MAST4: variants seen among roughly 807,000 people sequenced by gnomAD.
The protein encoded by MAST4 is microtubule associated serine/threonine kinase family member 4.
Under a neutral mutation model 162.7 loss-of-function variants are expected in MAST4, and 89 were observed. That is an observed-to-expected ratio of 0.55 (90% confidence interval 0.46 to 0.65). MAST4 has a LOEUF of 0.65. MAST4 is among the 30% of genes least tolerant of loss of function. The pLI is 0.00. For synonymous variants in MAST4, 1,479 were observed against 1,361.1 expected, an observed-to-expected ratio of 1.09 and a Z score of -1.91; for missense variants, 3,153 against 3,374.0, an observed-to-expected ratio of 0.93 and a Z score of 1.62.
At chr5:66,907,610 G>A (rs1016645250) in intron 4 of MAST4, among the ~76,000 whole-genome samples, 55 of 150,962 alleles carry the variant, frequency 3.6e-4, no homozygotes, top group Middle Eastern at 3.4e-3. Flanking sequence ...GTGTGTGTGT[G>A]TGTGTGTGTG....
intron 1 of MAST4, among the ~76,000 whole-genome samples, chr5:66,737,833 A>T (rs1029649549): frequency 2.0e-5 from 3 of 152,208 alleles, no homozygotes; most frequent in Non-Finnish European, 2.9e-5. Flanking sequence ...CTTGAGGCAG[A>T]TATGAAAAGA....
rs1773864348 is a variant in MAST4, at chr5:67,165,833, T to G, written c.6654T>G (p.Ser2218Arg). Reference sequence around the variant, plus strand: ...GGTCCCTCTCCTCTCAGAAACCAAGTGTCGGGGCCACAAAGGGCAAAGAGC... The same window carrying G: ...GGTCCCTCTCCTCTCAGAAACCAAGGGTCGGGGCCACAAAGGGCAAAGAGC... ...PDRSLSSQKP[S>R]VGATKGKEPA... The change falls in exon 29 of 29, where the codon AGT becomes AGG. Residue 2218 changes from serine to arginine, a missense_variant. Ser to Arg is a moderately radical substitution (Grantham distance 110). This residue lies in a region of MAST4 where 1,644 missense variants were observed against 1,495.0 expected (regional missense o/e 1.10). Transcript: ENST00000403625. 6.2e-7 allele frequency: 1 copy of G among 1,612,910 alleles called. No individual in the cohort carries two copies. Among genetic ancestry groups the G allele is most frequent in the Non-Finnish European group, 8.5e-7 (1 of 1,179,814 alleles).
At chr5:66,785,255 G>C (rs955168148) in intron 2 of MAST4, among the ~76,000 whole-genome samples, 1 of 152,000 alleles carries the variant, frequency 6.6e-6, no homozygotes, top group Non-Finnish European at 1.5e-5. Context: ...AACAAAAAAC[G>C]CTAGGTTGCA....
At chr5:67,012,194 T>A (rs1225497037) in intron 4 of MAST4, among the ~76,000 whole-genome samples, 1 of 152,196 alleles carries the variant, frequency 6.6e-6, no homozygotes, top group Non-Finnish European at 1.5e-5. Flanking sequence ...AGCTTCAAGA[T>A]AGAGACCATT....
chr5:67,042,701 TTTC>T (rs890820634), intron 4 of MAST4, among the ~76,000 whole-genome samples: 8 of 152,332 alleles, frequency 5.3e-5, no homozygotes, highest in African/African-American at 1.9e-4. Context: ...CAGGAAACAT[TTTC>T]TTCTACTTCT....
Position 66,596,664 on chromosome 5 carries a change from GA to G in MAST4, c.12del (p.Val5PhefsTer145). 6.8e-7 allele frequency: 1 copy of G among 1,463,720 alleles called. No homozygotes were observed. Among genetic ancestry groups the G allele is most frequent in the East Asian group, 2.7e-5 (1 of 36,520 alleles). 90.7% of individuals were successfully genotyped at this position (1,463,720 alleles called of 1,614,324 possible). On this transcript the variant is annotated frameshift_variant, in exon 1 of 29. Coordinates refer to ENST00000403625, the MANE Select transcript of MAST4 (RefSeq NM_001164664.2). LOFTEE classifies it high-confidence loss of function. MGE[K>X]VSEAPEPVPR... ...TTGGGCCAGACAGGGAAATGGGGGA[GA>G]AAGTTTCGGAGGCGCCAGAGCCGGT...
intron 4 of MAST4, among the ~76,000 whole-genome samples, chr5:66,937,258 T>G (rs1222533308): frequency 1.3e-5 from 2 of 152,174 alleles, no homozygotes; most frequent in African/African-American, 4.8e-5. Context: ...AAGTACTCAT[T>G]CAAATTAGGA....
At chr5:66,858,783 C>G (rs1227105962) in intron 3 of MAST4, among the ~76,000 whole-genome samples, 2 of 152,044 alleles carry the variant, frequency 1.3e-5, no homozygotes, top group Admixed American at 6.5e-5. Flanking sequence ...GCCTTTCCTT[C>G]TATGTATATG....
At chr5:66,930,409 C>T (rs973139737) in intron 4 of MAST4, among the ~76,000 whole-genome samples, 3 of 152,062 alleles carry the variant, frequency 2.0e-5, no homozygotes, top group Non-Finnish European at 4.4e-5. Flanking sequence ...AGTGTAGTTC[C>T]CACAAACTAA....
At chr5:66,677,491 A>G (rs1217884240) in intron 1 of MAST4, among the ~76,000 whole-genome samples, 6 of 152,184 alleles carry the variant, frequency 3.9e-5, no homozygotes, top group Non-Finnish European at 8.8e-5. Flanking sequence ...TTGTTCGTTT[A>G]TTCAAAATGT....
At chr5:67,089,896 A>G (rs114032964) in intron 5 of MAST4, among the ~76,000 whole-genome samples, 1 of 152,160 alleles carries the variant, frequency 6.6e-6, no homozygotes, top group African/African-American at 2.4e-5. Context: ...ATCTCCATGC[A>G]GGACTCCTGG....
intron 3 of MAST4, among the ~76,000 whole-genome samples, chr5:66,866,198 G>A (rs534994970): frequency 4.9e-5 from 5 of 103,048 alleles, no homozygotes; most frequent in South Asian, 3.1e-4. Context: ...AGCTGCCGTC[G>A]TAGGGTCTGC....
intron 3 of MAST4, among the ~76,000 whole-genome samples, chr5:66,791,369 C>T (rs537467250): frequency 5.3e-4 from 80 of 152,280 alleles, no homozygotes; most frequent in African/African-American, 1.8e-3. Flanking sequence ...AGTCACATAC[C>T]AAGAAACAGA....
chr5:67,045,213 T>C (rs1757218188), intron 4 of MAST4, among the ~76,000 whole-genome samples: 2 of 152,336 alleles, frequency 1.3e-5, no homozygotes, highest in South Asian at 4.1e-4. Context: ...CAGTGTTACA[T>C]AAAATATAAT....
intron 3 of MAST4, among the ~76,000 whole-genome samples, chr5:66,855,075 G>A (rs76031696): frequency 0.012 from 1,757 of 152,268 alleles, 17 homozygotes; most frequent in Middle Eastern, 0.031. Flanking sequence ...CTATGGTTTG[G>A]ATCTGTGGCC....
intron 4 of MAST4, among the ~76,000 whole-genome samples, chr5:66,940,748 A>G (rs78293154): frequency 0.043 from 6,473 of 152,144 alleles, 220 homozygotes; most frequent in Middle Eastern, 0.078. Context: ...TTAGGTTGCT[A>G]TTTTGACCTC....
chr5:66,978,686 G>A (rs1748428492), intron 4 of MAST4, among the ~76,000 whole-genome samples: 1 of 152,194 alleles, frequency 6.6e-6, no homozygotes, highest in South Asian at 2.1e-4. Context: ...TGAAAGGGAT[G>A]ATGTAGACAT....
chr5:66,822,354 A>G (rs982153637), intron 3 of MAST4, among the ~76,000 whole-genome samples: 1 of 152,254 alleles, frequency 6.6e-6, no homozygotes, highest in Non-Finnish European at 1.5e-5. Flanking sequence ...CAGAAAAAGC[A>G]TCAGACTAGA....
chr5:66,616,670 T>C (rs1743710457), intron 1 of MAST4, among the ~76,000 whole-genome samples: 1 of 152,232 alleles, frequency 6.6e-6, no homozygotes, highest in Admixed American at 6.5e-5. Context: ...CTCAAGCTCC[T>C]GAACAGCAGC....
Sources: allele counts gnomAD v4.1 joint callset (sites outside exome capture counted in the v4.1 genomes callset), GRCh38; gene constraint gnomAD v4.1.1; regional missense constraint gnomAD v4.1.1; transcripts MANE v1.5; gene names NCBI Gene and HGNC (gene_info 2026-07-23, HGNC 2026-07-21).